TRIM24: variants seen among roughly 807,000 people sequenced by gnomAD.
TRIM24 encodes the protein tripartite motif containing 24, also known as transcription intermediary factor 1-alpha.
TRIM24 carries 29 observed loss-of-function variants against 123.9 expected under a neutral mutation model. That is an observed-to-expected ratio of 0.23 (90% CI 0.17 to 0.32). The LOEUF (loss-of-function observed/expected upper bound fraction) is 0.32. Among genes scored for constraint, TRIM24 ranks in the 10% least tolerant of loss-of-function variants. The pLI, the probability that TRIM24 is intolerant of heterozygous loss-of-function variation, is 1.00. For missense variants in TRIM24, 932 were observed against 1,295.3 expected, an observed-to-expected ratio of 0.72 and a Z score of 4.31; for synonymous variants, 456 against 461.1, an observed-to-expected ratio of 0.99 and a Z score of 0.14.
At chr7:138,564,725 G>T (rs1797499543) in intron 9 of TRIM24, among the ~76,000 whole-genome samples, 1 of 152,158 alleles carries the variant, frequency 6.6e-6, no homozygotes, top group Non-Finnish European at 1.5e-5. Context: ...TTCCCTATCT[G>T]TGGTTCCTTT....
chr7:138,525,777 A>G (rs1796595943), intron 5 of TRIM24, among the ~76,000 whole-genome samples: 1 of 152,190 alleles, frequency 6.6e-6, no homozygotes, highest in African/African-American at 2.4e-5. Flanking sequence ...AACTGCAAAC[A>G]GGTGGAAATT....
At chr7:138,569,269 A>ATACTC (rs1797603337) in intron 10 of TRIM24, among the ~76,000 whole-genome samples, 1 of 152,210 alleles carries the variant, frequency 6.6e-6, no homozygotes, top group African/African-American at 2.4e-5. Context: ...TAATGAGTAG[A>ATACTC]TACTCTAAGC....
At chr7:138,579,674 T>C in intron 15 of TRIM24, 142 bp downstream of exon 15, 1 of 673,722 alleles carries the variant, frequency 1.5e-6, no homozygotes, top group South Asian at 2.0e-5. Context: ...GTCTAGGTTT[T>C]CCCATACCCT....
intron 7 of TRIM24, among the ~76,000 whole-genome samples, chr7:138,548,076 G>A (rs563464594): frequency 6.6e-6 from 1 of 152,140 alleles, no homozygotes; most frequent in African/African-American, 2.4e-5. Context: ...GATGGAGCAG[G>A]TTATAGGAAG....
chr7:138,472,204 A>T (rs557258554), intron 1 of TRIM24, among the ~76,000 whole-genome samples: 1 of 152,134 alleles, frequency 6.6e-6, no homozygotes, highest in East Asian at 1.9e-4. Context: ...AAAGTTGAGG[A>T]AGGTTTCTCA....
intron 1 of TRIM24, among the ~76,000 whole-genome samples, chr7:138,471,722 G>T (rs192282761): frequency 2.2e-4 from 34 of 152,102 alleles, no homozygotes; most frequent in African/African-American, 8.2e-4. Context: ...TGTATTTTTA[G>T]TAGAGATGGG....
chr7:138,516,171 G>A (rs1433789714), intron 3 of TRIM24, among the ~76,000 whole-genome samples: 3 of 152,000 alleles, frequency 2.0e-5, no homozygotes, highest in African/African-American at 7.2e-5. Context: ...GCGTGGTGGC[G>A]GGCACCTGTA....
chr7:138,578,234 T>A (rs891601542), intron 14 of TRIM24, among the ~76,000 whole-genome samples: 2 of 152,144 alleles, frequency 1.3e-5, no homozygotes, highest in African/African-American at 4.8e-5. Flanking sequence ...GTACAAAAAA[T>A]GTCTTAGTAC....
At chr7:138,546,764 G>T (rs1477899679) in intron 7 of TRIM24, among the ~76,000 whole-genome samples, 1 of 152,134 alleles carries the variant, frequency 6.6e-6, no homozygotes, top group Non-Finnish European at 1.5e-5. Context: ...TGATTAAATG[G>T]CTATTGTCAA....
intron 1 of TRIM24, among the ~76,000 whole-genome samples, chr7:138,493,787 ATGG>A (rs1190145485): frequency 6.6e-6 from 1 of 152,146 alleles, no homozygotes; most frequent in Non-Finnish European, 1.5e-5. Context: ...GGAATGGGTC[ATGG>A]TAGCTGGTTT....
In TRIM24 at chr7:138,503,625, GTT is replaced by G. The variant is rs35048476; in HGVS notation, c.365-651_365-650del. On this transcript the variant is annotated intron_variant, in intron 1 of 18. Coordinates refer to ENST00000343526, the MANE Select transcript of TRIM24 (RefSeq NM_015905.3). ...TATATGGCATCAAGTTTATATTAGA[GTT>G]TTTTTTTTTTTTTAATACTTTAAGT... 6.9e-3 allele frequency among the ~76,000 whole-genome samples: 933 copies of G among 135,816 alleles called. 8 individuals are homozygous for G. The highest frequency in any genetic ancestry group is 0.024 in the African/African-American group (897 of 37,372). The allele number at this position is 135,816 out of a possible 152,430, so 89.1% of individuals were successfully genotyped here.
intron 9 of TRIM24, among the ~76,000 whole-genome samples, chr7:138,567,148 G>A (rs920109476): frequency 7.9e-5 from 12 of 152,166 alleles, no homozygotes; most frequent in African/African-American, 2.7e-4. Flanking sequence ...CTTTGTGAAA[G>A]ATAATTGTGA....
rs867251495 is a variant in TRIM24 at position 138,579,246 on chromosome 7, A to G, written c.2299A>G (p.Ser767Gly). The G allele has an allele frequency of 1.9e-6, 3 of 1,608,206 alleles. No homozygotes were observed. Among genetic ancestry groups the G allele is most frequent in the Admixed American group, 3.4e-5 (2 of 59,336 alleles). Reference protein sequence around the residue: ...RSILTSLLLNSSQSSTSEETV... With the variant: ...RSILTSLLLNGSQSSTSEETV... ...CATACTCACCTCCCTGCTCTTAAAT[A>G]GCAGTCAGAGCTCTACTTCTGAGGA... Residue 767 changes from serine (S) to glycine (G), a missense_variant, in exon 15 of 19, where the codon AGC (serine) becomes GGC (glycine). Ser to Gly is a moderately conservative substitution (Grantham distance 56). Around this residue, in one of 7 missense-constraint regions of TRIM24, gnomAD observed 527 missense variants for 691.3 expected, o/e 0.76. Coordinates refer to ENST00000343526, the MANE Select transcript of TRIM24 (RefSeq NM_015905.3).
At chr7:138,533,146 A>G (rs1796784328) in intron 6 of TRIM24, among the ~76,000 whole-genome samples, 1 of 152,234 alleles carries the variant, frequency 6.6e-6, no homozygotes, top group African/African-American at 2.4e-5. Flanking sequence ...ATATACAATC[A>G]TGTCATCTGC....
rs1463692396 is a variant in TRIM24, at chr7:138,468,631, A to G, written c.364+7719A>G. Among the ~76,000 whole-genome samples the G allele has an allele frequency of 3.9e-5, 6 of 152,228 alleles. No homozygotes were observed. In the East Asian group the frequency reaches 1.2e-3, roughly 29 times the overall value. On this transcript the variant is annotated intron_variant, in intron 1 of 18. Coordinates refer to ENST00000343526, the MANE Select transcript of TRIM24 (RefSeq NM_015905.3). ...TATTTTATGTAATTGTTGGTATGGCAAGGTTTAAGACTGACATCTTTTTAT... is the reference window on the plus strand; with the variant it reads ...TATTTTATGTAATTGTTGGTATGGCGAGGTTTAAGACTGACATCTTTTTAT...
At chr7:138,465,561 A>G (rs1795117258) in intron 1 of TRIM24, among the ~76,000 whole-genome samples, 1 of 152,222 alleles carries the variant, frequency 6.6e-6, no homozygotes, top group Admixed American at 6.5e-5. Flanking sequence ...GGGTTAAAAT[A>G]TAAGACTAAA....
chr7:138,472,328 C>T (rs1173483757), intron 1 of TRIM24, among the ~76,000 whole-genome samples: 1 of 150,700 alleles, frequency 6.6e-6, no homozygotes, highest in Non-Finnish European at 1.5e-5. Flanking sequence ...TCTGAGAAAG[C>T]AGAAAGGCAT....
chr7:138,583,688 T>C (rs1797953339), intron 17 of TRIM24, among the ~76,000 whole-genome samples, 162 bp from the exon 18 acceptor site: 1 of 152,184 alleles, frequency 6.6e-6, no homozygotes, highest in South Asian at 2.1e-4. Flanking sequence ...TGGAAGGCAG[T>C]GGGCACTTGT....
intron 9 of TRIM24, among the ~76,000 whole-genome samples, chr7:138,558,089 T>C (rs111448601): frequency 0.024 from 3,598 of 152,258 alleles, 139 homozygotes; most frequent in African/African-American, 0.082. Flanking sequence ...TTGTCCCTAG[T>C]ACACAGGCCT....
Sources: allele counts gnomAD v4.1 joint callset (sites outside exome capture counted in the v4.1 genomes callset), GRCh38; gene constraint gnomAD v4.1.1; regional missense constraint gnomAD v4.1.1; transcripts MANE v1.5; gene names NCBI Gene and HGNC (gene_info 2026-07-23, HGNC 2026-07-21).